The following USP34 variants were observed in gnomAD, a reference collection of about 807,000 sequenced individuals.
The protein encoded by USP34 is ubiquitin specific peptidase 34.
In USP34, 70 loss-of-function variants were observed where a neutral mutation model predicts 460.3. That is an observed-to-expected ratio of 0.15 (90% confidence interval 0.13 to 0.19). USP34 has a LOEUF of 0.19. Ranked by LOEUF, USP34 falls within the 10% of genes least tolerant of loss-of-function variation. The pLI is 1.00. For synonymous variants in USP34, 1,647 were observed against 1,405.3 expected, an observed-to-expected ratio of 1.17 and a Z score of -3.85; for missense variants, 3,985 against 4,236.2, an observed-to-expected ratio of 0.94 and a Z score of 1.65.
At chr2:61,428,306 C>A in intron 1 of USP34, among the ~76,000 whole-genome samples, 1 of 143,742 alleles carries the variant, frequency 7.0e-6, no homozygotes, top group South Asian at 2.2e-4. Context: ...AACTGGTTAA[C>A]AAAGGGAGAA....
At chr2:61,418,814 A>G (rs527409694) in intron 2 of USP34, among the ~76,000 whole-genome samples, 2 of 152,348 alleles carry the variant, frequency 1.3e-5, no homozygotes, top group East Asian at 1.9e-4. Context: ...AATTAAGAGT[A>G]TAACATTCCA....
chr2:61,265,624 AC>A, intron 42 of USP34, 67 bp from the exon 43 acceptor site: 1 of 1,496,890 alleles, frequency 6.7e-7, no homozygotes, highest in Non-Finnish European at 9.0e-7. Context: ...TATTTTGCTT[AC>A]ATTAACAGCC....
intron 10 of USP34, among the ~76,000 whole-genome samples, chr2:61,367,004 C>A (rs1014534078): frequency 6.6e-6 from 1 of 152,052 alleles, no homozygotes; most frequent in African/African-American, 2.4e-5. Flanking sequence ...AGTCAAGACT[C>A]CACCACCGTA....
At chr2:61,466,010 A>T (rs1458016239) in intron 1 of USP34, among the ~76,000 whole-genome samples, 1 of 151,970 alleles carries the variant, frequency 6.6e-6, no homozygotes, top group Non-Finnish European at 1.5e-5. Flanking sequence ...CAAAAACACA[A>T]CAAAATTTGC....
chr2:61,261,568 A>C (rs1572880516), intron 43 of USP34, among the ~76,000 whole-genome samples: 2 of 152,254 alleles, frequency 1.3e-5, no homozygotes, highest in Middle Eastern at 6.8e-3. Context: ...TTCAAGATGG[A>C]ATGGTGGTGA....
chr2:61,378,447 A>C, intron 7 of USP34, 23 bp from the exon 8 acceptor site: 1 of 1,552,466 alleles, frequency 6.4e-7, no homozygotes, highest in Non-Finnish European at 8.7e-7. Context: ...ACAAGAAATT[A>C]AGGGTTTTTA....
At chr2:61,335,983 GGAT>G (rs1286751956) in intron 18 of USP34, among the ~76,000 whole-genome samples, 5 of 152,032 alleles carry the variant, frequency 3.3e-5, no homozygotes, top group African/African-American at 1.2e-4. Context: ...AGTTACATAT[GGAT>G]GATTTTGCCT....
intron 19 of USP34, 56 bp downstream of exon 19, chr2:61,333,826 A>G: frequency 2.5e-6 from 3 of 1,213,780 alleles, no homozygotes; most frequent in Non-Finnish European, 3.4e-6. Context: ...ACCTTTAGAT[A>G]ACTATAATTA....
chr2:61,273,544 C>A (rs750632651), intron 41 of USP34, among the ~76,000 whole-genome samples: 9 of 152,076 alleles, frequency 5.9e-5, no homozygotes, highest in Non-Finnish European at 5.9e-5. Context: ...CATGGTGAAA[C>A]CCTTCTCTAT....
In USP34 at chr2:61,276,971, T is replaced by C. The variant is rs184062926; in HGVS notation, c.5433+1194A>G. Among the ~76,000 whole-genome samples, 93 of 152,332 alleles carry C rather than the reference T, an allele frequency of 6.1e-4. 1 individual carries two copies. Among genetic ancestry groups the C allele is most frequent in the African/African-American group, 2.0e-3 (83 of 41,582 alleles). ...TCCAGACCATAACAAATTCCTACAA[T>C]GACCAGGACAAATGCACCAATGTTA... On this transcript the variant is annotated intron_variant, in intron 41 of 79. Transcript: ENST00000398571.
chr2:61,447,272 A>C lies in USP34; in HGVS notation c.43+23378T>G, dbSNP rs940592810. Among the ~76,000 whole-genome samples, 7 of 149,684 alleles carry C rather than the reference A, an allele frequency of 4.7e-5. No homozygotes were observed. The South Asian group carries it at 6.3e-4, about 14-fold the overall frequency. On this transcript the variant is annotated intron_variant, in intron 1 of 79. Transcript: ENST00000398571. ...TGTCTTCCAAAAAAAAAAAAAAAAA[A>C]AAAAAAAAAACCAGAAAACATATAT...
intron 53 of USP34, 117 bp from the exon 54 acceptor site, chr2:61,236,506 G>C (rs996248620): frequency 1.4e-6 from 1 of 724,782 alleles, no homozygotes; most frequent in Non-Finnish European, 2.2e-6. Context: ...TAAAATCCAT[G>C]CACTTTAAGT....
chr2:61,327,809 T>C (rs1691140568), intron 20 of USP34, among the ~76,000 whole-genome samples: 1 of 152,112 alleles, frequency 6.6e-6, no homozygotes, highest in Non-Finnish European at 1.5e-5. Flanking sequence ...ACAAAGATGG[T>C]ATCAATATTG....
In USP34 at chr2:61,347,896, G is replaced by C; in HGVS notation, c.2259C>G (p.His753Gln). 1 of 1,613,494 alleles carries C rather than the reference G, an allele frequency of 6.2e-7. No individual in the cohort carries two copies. Among genetic ancestry groups the C allele is most frequent in the Non-Finnish European group, 8.5e-7 (1 of 1,179,614 alleles). ...QFIGPQHHHH[H>Q]HHHHHHHDGH... ...CATCGTGGTGGTGGTGATGGTGGTGGTGGTGGTGGTGATGCTGTGGACCAA... is the reference window on the plus strand; with the variant it reads ...CATCGTGGTGGTGGTGATGGTGGTGCTGGTGGTGGTGATGCTGTGGACCAA... Residue 753 changes from histidine (H) to glutamine (Q), a missense_variant, in exon 15 of 80, where the codon CAC (histidine) becomes CAG (glutamine). Physicochemically the swap from His to Gln is conservative, Grantham distance 24. Around this residue, in one of 14 missense-constraint regions of USP34, gnomAD observed 716 missense variants for 626.2 expected, o/e 1.14. Coordinates refer to ENST00000398571, the MANE Select transcript of USP34 (RefSeq NM_014709.4).
chr2:61,335,857 T>A (rs1160444328), intron 18 of USP34, among the ~76,000 whole-genome samples: 1 of 152,196 alleles, frequency 6.6e-6, no homozygotes, highest in African/African-American at 2.4e-5. Context: ...TCCAAGAGTT[T>A]GTGTTGTAAC....
In USP34 at chr2:61,339,603, T is replaced by C; in HGVS notation, c.2579A>G (p.Asn860Ser). ...INLDNVCKKG[N>S]TLLWDIVQDE... ...TTGGACTATATCCCACAACAAAGTA[T>C]TTCCTTTCTTGCAAACATTATCCAA... Residue 860 changes from asparagine to serine, a missense_variant, in exon 17 of 80, where the codon AAT becomes AGT. Coordinates refer to ENST00000398571, the MANE Select transcript of USP34 (RefSeq NM_014709.4). 1 of 1,580,216 alleles carries C rather than the reference T, an allele frequency of 6.3e-7. No homozygotes were observed. Among genetic ancestry groups the C allele is most frequent in the Non-Finnish European group, 8.6e-7 (1 of 1,169,554 alleles).
In USP34 at chr2:61,307,451, A is replaced by G. The variant is rs191255221; in HGVS notation, c.3817+4089T>C. Among the ~76,000 whole-genome samples the G allele has an allele frequency of 2.9e-4, 44 of 152,090 alleles. No individual in the cohort carries two copies. In the East Asian group the frequency reaches 7.5e-3, roughly 26 times the overall value. On this transcript the variant is annotated intron_variant, in intron 27 of 79. Coordinates refer to ENST00000398571, the MANE Select transcript of USP34 (RefSeq NM_014709.4). ...GCGCGTTGTGCACATGTACCCTAGAACTTTAATTTAAAAAAAAAGAGTTTA... is the reference window on the plus strand; with the variant it reads ...GCGCGTTGTGCACATGTACCCTAGAGCTTTAATTTAAAAAAAAAGAGTTTA...
intron 2 of USP34, chr2:61,417,202 T>C: frequency 1.9e-6 from 3 of 1,553,094 alleles, no homozygotes; most frequent in East Asian, 2.2e-5. Flanking sequence ...GACCCTACAC[T>C]GGGGTAGTGC....
At position 61,430,106 on chromosome 2, in the gene USP34, T is replaced by C. The variant is rs1440008317; in HGVS notation, c.44-9273A>G. Reference sequence around the variant, plus strand: ...GGTGGGCACCTGTAGTCCCAGCTACTCGAGAGGCTGAGGCAGGAGAATGGC... The same window carrying C: ...GGTGGGCACCTGTAGTCCCAGCTACCCGAGAGGCTGAGGCAGGAGAATGGC... On this transcript the variant is annotated intron_variant, in intron 1 of 79. Coordinates refer to ENST00000398571, the MANE Select transcript of USP34 (RefSeq NM_014709.4). Among the ~76,000 whole-genome samples, 9 of 151,256 alleles carry C rather than the reference T, an allele frequency of 6.0e-5. No homozygotes were observed. The East Asian group carries it at 1.8e-3, about 30-fold the overall frequency.
Sources: allele counts gnomAD v4.1 joint callset (sites outside exome capture counted in the v4.1 genomes callset), GRCh38; gene constraint gnomAD v4.1.1; regional missense constraint gnomAD v4.1.1; transcripts MANE v1.5; gene names NCBI Gene and HGNC (gene_info 2026-07-23, HGNC 2026-07-21).